The following SEMA6A variants were observed in gnomAD, a reference collection of about 807,000 sequenced individuals.
The protein encoded by SEMA6A is semaphorin-6A.
SEMA6A carries 25 observed loss-of-function variants against 96.8 expected under a neutral mutation model. The observed-to-expected ratio is 0.26, with a 90% CI of 0.19 to 0.36. The LOEUF is 0.36. Among genes scored for constraint, SEMA6A ranks in the 10% least tolerant of loss-of-function variants. The pLI is 1.00. For missense variants in SEMA6A, 1,363 were observed against 1,323.1 expected (o/e 1.03, Z -0.47); for synonymous variants, 612 against 518.0 (o/e 1.18, Z -2.46).
rs187922126 is a variant in SEMA6A, at chr5:116,486,742, T to C, written c.962+7A>G. ...TGATGAGGTCAACACAGCTAGGGCA[T>C]GATTACCTGTTATAAGGTGTAGAAA... is the stretch of plus-strand genomic sequence containing the variant. On this transcript the variant is annotated splice_region_variant and intron_variant, in intron 10 of 18. Coordinates refer to ENST00000343348, the MANE Select transcript of SEMA6A (RefSeq NM_020796.5). 1.6e-3 allele frequency: 2,569 copies of C among 1,611,238 alleles called. 9 individuals carry two copies. Among genetic ancestry groups the C allele is most frequent in the Middle Eastern group, 4.1e-3 (25 of 6,048 alleles).
At position 116,502,276 on chromosome 5, in the gene SEMA6A, G is replaced by A. The variant is rs374618633; in HGVS notation, c.152C>T (p.Thr51Ile). 6.2e-7 allele frequency: 1 copy of A among 1,614,002 alleles called. No homozygotes were observed. Among genetic ancestry groups the A allele is most frequent in the Non-Finnish European group, 8.5e-7 (1 of 1,179,884 alleles). ...CTGGATGTCCAGCCTGTGCCTCTGT[G>A]TGGTGTTCCGTCCTGGCTTGTGGCC... ...FVGHKPGRNT[T>I]QRHRLDIQMI... is the part of the protein sequence containing the mutation. Residue 51 changes from threonine (T) to isoleucine (I), a missense_variant, in exon 3 of 19, where the codon ACA becomes ATA. Around this residue, in one of 2 missense-constraint regions of SEMA6A, gnomAD observed 480 missense variants for 559.5 expected, o/e 0.86. Transcript: ENST00000343348.
At chr5:116,535,312 A>G (rs1759660117) in intron 1 of SEMA6A, among the ~76,000 whole-genome samples, 1 of 152,250 alleles carries the variant, frequency 6.6e-6, no homozygotes, top group African/African-American at 2.4e-5. Context: ...GGGATGCAGA[A>G]CTGCAAGTCC....
At chr5:116,473,812 G>C (rs556671910) in intron 16 of SEMA6A, among the ~76,000 whole-genome samples, 1 of 152,180 alleles carries the variant, frequency 6.6e-6, no homozygotes, top group Non-Finnish European at 1.5e-5. Flanking sequence ...GCAGGAACAC[G>C]GGGAGAGGAG....
chr5:116,547,953 C>T (rs1760254182), intron 1 of SEMA6A, among the ~76,000 whole-genome samples: 1 of 152,126 alleles, frequency 6.6e-6, no homozygotes, highest in Non-Finnish European at 1.5e-5. Context: ...AACCTTATCC[C>T]CGGCCTCACA....
intron 1 of SEMA6A, among the ~76,000 whole-genome samples, chr5:116,539,869 G>C (rs1759885982): frequency 6.6e-6 from 1 of 152,056 alleles, no homozygotes; most frequent in African/African-American, 2.4e-5. Flanking sequence ...TAAGTCATGA[G>C]TCATGCCAAT....
At position 116,478,032 on chromosome 5, in the gene SEMA6A, C is replaced by G. The variant is rs371845668; in HGVS notation, c.1550G>C (p.Arg517Pro). The change falls in exon 14 of 19, where the codon CGA (arginine) becomes CCA (proline). Residue 517 changes from arginine to proline, a missense_variant. Physicochemically the swap from Arg to Pro is moderately radical, Grantham distance 103. Coordinates refer to ENST00000343348, the MANE Select transcript of SEMA6A (RefSeq NM_020796.5). ...TACATACTTTTTACACTTCCCATGT[C>G]GTTCACACCGGCCAAGGGGAACCTT... ...VIKVPLGRCERHGKCKKTCIA... is the reference protein window; with the variant it reads ...VIKVPLGRCEPHGKCKKTCIA... 9.3e-6 allele frequency: 15 copies of G among 1,613,828 alleles called. 1 individual carries two copies. The South Asian group carries it at 1.6e-4, about 18-fold the overall frequency.
chr5:116,466,997 C>T (rs1312612246), intron 18 of SEMA6A, among the ~76,000 whole-genome samples: 4 of 152,114 alleles, frequency 2.6e-5, no homozygotes, highest in African/African-American at 7.2e-5. Context: ...GCTTCCTTTC[C>T]GTTGTAAATG....
At position 116,446,413 on chromosome 5, in the gene SEMA6A, G is replaced by C. The variant is rs967076090; in HGVS notation, c.*200C>G. 2.1e-6 allele frequency: 1 copy of C among 478,620 alleles called. No homozygotes were observed. Among genetic ancestry groups the C allele is most frequent in the African/African-American group, 1.9e-5 (1 of 51,432 alleles). The allele number at this position is 478,620 out of a possible 1,614,324, so 29.6% of individuals were successfully genotyped here. On this transcript the variant is annotated 3_prime_UTR_variant, in exon 19 of 19. Coordinates refer to ENST00000343348, the MANE Select transcript of SEMA6A (RefSeq NM_020796.5). ...AGGAAGAGAATGAAGGTGAGTCCCC[G>C]CCGTTGCAAACCTTCACCAAACCAC...
intron 1 of SEMA6A, among the ~76,000 whole-genome samples, chr5:116,570,345 G>A (rs566263341): frequency 2.1e-5 from 2 of 97,104 alleles, no homozygotes; most frequent in Admixed American, 1.1e-4. Flanking sequence ...CCAAGAGAGT[G>A]GGGGGGGTTC....
rs375493805 is a variant in SEMA6A at position 116,520,067 on chromosome 5, G to A, written c.-38-15085C>T. Among the ~76,000 whole-genome samples, 13 of 152,154 alleles carry A rather than the reference G, an allele frequency of 8.5e-5. No individual in the cohort carries two copies. In the East Asian group the frequency reaches 2.3e-3, roughly 27 times the overall value. On this transcript the variant is annotated intron_variant, in intron 1 of 18. Transcript: ENST00000343348. ...TGGGCACAAAAGGCACCACCCAACTGGTTGACCCCATCATGTTCCATTCCC... is the reference window on the plus strand; with the variant it reads ...TGGGCACAAAAGGCACCACCCAACTAGTTGACCCCATCATGTTCCATTCCC...
intron 18 of SEMA6A, among the ~76,000 whole-genome samples, chr5:116,452,712 A>G (rs1754717948): frequency 6.6e-6 from 1 of 152,246 alleles, no homozygotes; most frequent in South Asian, 2.1e-4. Flanking sequence ...CATGGATACT[A>G]TTCCGTGCAA....
intron 1 of SEMA6A, among the ~76,000 whole-genome samples, chr5:116,546,762 T>A (rs919918187): frequency 2.0e-5 from 3 of 152,162 alleles, no homozygotes; most frequent in African/African-American, 7.2e-5. Flanking sequence ...CCAATGAACA[T>A]AACAGCACAA....
At chr5:116,558,322 C>T (rs1161440486) in intron 1 of SEMA6A, among the ~76,000 whole-genome samples, 2 of 152,160 alleles carry the variant, frequency 1.3e-5, no homozygotes, top group Non-Finnish European at 2.9e-5. Flanking sequence ...TCTTGGGATA[C>T]ATGTGCTGAA....
In SEMA6A at chr5:116,446,702, G is replaced by A. The variant is rs35628596; in HGVS notation, c.3004C>T (p.Arg1002Cys). 1,539 of 1,588,084 alleles carry A rather than the reference G, an allele frequency of 9.7e-4. 15 individuals carry two copies. In the African/African-American group the frequency reaches 0.018, roughly 19 times the overall value. Residue 1002 changes from arginine to cysteine, a missense_variant, in exon 19 of 19, where the codon CGT becomes TGT. Arg to Cys is a radical substitution (Grantham distance 180). Transcript: ENST00000343348. ...YNSLTRSGLK[R>C]TPSLKPDVPP... ...ACGTCCGGCTTTAGCGAGGGCGTAC[G>A]CTTCAGCCCCGACCTTGTCAGTGAG... is the stretch of plus-strand genomic sequence containing the variant.
At chr5:116,547,301 C>G (rs998799914) in intron 1 of SEMA6A, among the ~76,000 whole-genome samples, 6 of 152,132 alleles carry the variant, frequency 3.9e-5, no homozygotes, top group Admixed American at 1.3e-4. Context: ...TGCTTTGATC[C>G]TTCCAAGTCA....
At chr5:116,469,427 T>A (rs928304848) in intron 17 of SEMA6A, 1 of 151,860 alleles carries the variant, frequency 6.6e-6, no homozygotes, top group African/African-American at 2.4e-5. Context: ...TCAGCTTACA[T>A]TGAGGTCTAA....
Position 116,536,803 on chromosome 5 carries a change from T to C in SEMA6A, c.-38-31821A>G, listed in dbSNP as rs1464258225. On this transcript the variant is annotated intron_variant, in intron 1 of 18. Transcript: ENST00000343348. ...ATGTTCTCAGCAGTCAAGGAACAGC[T>C]GCACAATGCAAGCAGCCTCTGAATG... Among the ~76,000 whole-genome samples, 12 of 140,886 alleles carry C rather than the reference T, an allele frequency of 8.5e-5. No individual in the cohort carries two copies. In the East Asian group the frequency reaches 2.5e-3, roughly 29 times the overall value. 92.4% of individuals were successfully genotyped at this position (140,886 alleles called of 152,430 possible). A position where few individuals can be genotyped will look rare whatever the true frequency, so the allele number is the denominator to read the frequency against.
chr5:116,528,226 A>G (rs1023227493), intron 1 of SEMA6A, among the ~76,000 whole-genome samples: 5 of 152,136 alleles, frequency 3.3e-5, no homozygotes, highest in Admixed American at 1.3e-4. Flanking sequence ...TCATTTCCCA[A>G]TTTCATTCAT....
At chr5:116,532,327 C>A (rs537144085) in intron 1 of SEMA6A, among the ~76,000 whole-genome samples, 1 of 152,066 alleles carries the variant, frequency 6.6e-6, no homozygotes, top group East Asian at 1.9e-4. Context: ...TGGGGTCAGG[C>A]GGCCAACAAA....
Sources: gnomAD v4.1 joint callset for allele counts (sites outside exome capture counted in the v4.1 genomes callset) on GRCh38, gnomAD v4.1.1 for gene constraint, gnomAD v4.1.1 regional missense constraint, MANE v1.5 for transcripts, NCBI Gene and HGNC (gene_info 2026-07-23, HGNC 2026-07-21) for gene names.